Variants in HIF3A observed in about 807,000 individuals in gnomAD.
HIF3A encodes hypoxia-inducible factor 3-alpha.
In HIF3A, 41 loss-of-function variants were observed where a neutral mutation model predicts 67.2. The ratio of observed to expected loss-of-function variants is 0.61; its 90% CI spans 0.48 to 0.79. HIF3A has a LOEUF of 0.79. Ranked by LOEUF, HIF3A falls within the 30% of genes least tolerant of loss-of-function variation. The pLI, the probability that HIF3A is intolerant of heterozygous loss-of-function variation, is 0.00. For missense variants in HIF3A, 855 were observed against 898.0 expected, an observed-to-expected ratio of 0.95 and a Z score of 0.61; for synonymous variants, 356 against 374.8, an observed-to-expected ratio of 0.95 and a Z score of 0.58.
At position 46,308,788 on chromosome 19, in the gene HIF3A, G is replaced by C; in HGVS notation, c.561+13G>C. The C allele has an allele frequency of 6.4e-7, 1 of 1,552,646 alleles. No individual in the cohort carries two copies. ...GGCCACCTGGAAGGTGCGTGGGGCC[G>C]GGCCAGAGGAGGGCGGGGACGCTGG... On this transcript the variant is annotated intron_variant, in intron 5 of 14. Coordinates refer to ENST00000377670, the MANE Select transcript of HIF3A (RefSeq NM_152795.4).
intron 9 of HIF3A, among the ~76,000 whole-genome samples, chr19:46,321,344 G>A (rs1970345180): frequency 6.6e-6 from 1 of 152,174 alleles, no homozygotes; most frequent in South Asian, 2.1e-4. Flanking sequence ...AGCACTTTGG[G>A]AGGCCGAGGT....
intron 4 of HIF3A, 37 bp from the exon 5 acceptor site, chr19:46,308,626 T>A (rs976389513): frequency 7.7e-7 from 1 of 1,305,316 alleles, no homozygotes; most frequent in Non-Finnish European, 1.1e-6. Context: ...TGTGTGTAGC[T>A]GCCTGTGACC....
At chr19:46,335,783 A>G (rs1971566592) in intron 14 of HIF3A, among the ~76,000 whole-genome samples, 1 of 151,958 alleles carries the variant, frequency 6.6e-6, no homozygotes, top group Non-Finnish European at 1.5e-5. Context: ...CCTGCCTGTA[A>G]TCACAGTGTT....
chr19:46,326,062 T>G lies in HIF3A; in HGVS notation c.1440+423T>G, dbSNP rs776776532. On this transcript the variant is annotated intron_variant, in intron 11 of 14. Coordinates refer to ENST00000377670, the MANE Select transcript of HIF3A (RefSeq NM_152795.4). ...ATCAGAAATTCAGGAGCACCTTATCTGCTGGTTTTTGCTGAGTCTCTCATG... is the reference window on the plus strand; with the variant it reads ...ATCAGAAATTCAGGAGCACCTTATCGGCTGGTTTTTGCTGAGTCTCTCATG... Among the ~76,000 whole-genome samples the G allele has an allele frequency of 3.3e-5, 5 of 152,352 alleles. No individual in the cohort carries two copies. In the South Asian group the frequency reaches 1.0e-3, roughly 32 times the overall value.
chr19:46,316,363 G>T (rs1969913057), intron 8 of HIF3A, among the ~76,000 whole-genome samples: 2 of 152,174 alleles, frequency 1.3e-5, no homozygotes, highest in Admixed American at 1.3e-4. Flanking sequence ...TGGGTGTTTG[G>T]GTTTGGTGTT....
intron 1 of HIF3A, 155 bp from the exon 2 acceptor site, chr19:46,303,743 G>A (rs1968541337): frequency 6.6e-7 from 1 of 1,526,354 alleles, no homozygotes; most frequent in East Asian, 2.4e-5. Context: ...CCCAGGGAGC[G>A]CCGCGAACTC....
chr19:46,331,533 A>C (rs988806829), intron 13 of HIF3A: 9 of 238,876 alleles, frequency 3.8e-5, no homozygotes, highest in East Asian at 7.5e-5. Flanking sequence ...AAAAAAAAAA[A>C]AAAAAAAACT....
At chr19:46,304,254 G>A in intron 2 of HIF3A, 166 bp downstream of exon 2, 1 of 618,406 alleles carries the variant, frequency 1.6e-6, no homozygotes, top group Non-Finnish European at 2.8e-6. Context: ...GACTTCCCCG[G>A]GGAGGCCCCG....
chr19:46,333,012 A>ATATATATATGTATATATGTGTG (rs1200078103), intron 13 of HIF3A, among the ~76,000 whole-genome samples: 1 of 150,858 alleles, frequency 6.6e-6, no homozygotes, highest in Admixed American at 6.6e-5. Flanking sequence ...CTCTCTCTAT[A>ATATATATATGTATATATGTGTG]TATATATATG....
At chr19:46,322,383 C>T (rs1480045559) in intron 10 of HIF3A, among the ~76,000 whole-genome samples, 1 of 152,174 alleles carries the variant, frequency 6.6e-6, no homozygotes, top group Non-Finnish European at 1.5e-5. Flanking sequence ...GTCCCCAAGA[C>T]TGCTCTTTGC....
chr19:46,339,003 A>C (rs1323809514), intron 14 of HIF3A, among the ~76,000 whole-genome samples: 4 of 152,100 alleles, frequency 2.6e-5, no homozygotes, highest in Non-Finnish European at 4.4e-5. Context: ...TTATTCTTTA[A>C]TTGATAGTAC....
chr19:46,318,263 C>A (rs1970075314), intron 8 of HIF3A, among the ~76,000 whole-genome samples: 1 of 151,080 alleles, frequency 6.6e-6, no homozygotes, highest in African/African-American at 2.4e-5. Context: ...CAGGCTGGAA[C>A]CACATTAAAA....
intron 8 of HIF3A, among the ~76,000 whole-genome samples, chr19:46,317,272 C>G (rs2147205990): frequency 6.6e-6 from 1 of 152,170 alleles, no homozygotes; most frequent in East Asian, 1.9e-4. Flanking sequence ...CCAGGCTGGT[C>G]TCAAACTCTT....
Position 46,307,512 on chromosome 19 carries a change from C to T in HIF3A, c.364-709C>T, listed in dbSNP as rs1968962317. On this transcript the variant is annotated intron_variant, in intron 3 of 14. Transcript: ENST00000377670. ...CCTATAATCCCAGCACTTTGGAAGG[C>T]CAAAGTAGGCAGATCACTTGAGGTC... Among the ~76,000 whole-genome samples, 3 of 152,092 alleles carry T rather than the reference C, an allele frequency of 2.0e-5. No homozygotes were observed. The South Asian group carries it at 6.2e-4, about 32-fold the overall frequency.
chr19:46,339,300 G>A (rs868401040), intron 14 of HIF3A, among the ~76,000 whole-genome samples: 2 of 152,086 alleles, frequency 1.3e-5, no homozygotes, highest in Non-Finnish European at 2.9e-5. Flanking sequence ...CAAGACTTGC[G>A]TCAAAAATAA....
intron 9 of HIF3A, 50 bp downstream of exon 9, chr19:46,320,611 G>A (rs1738696914): frequency 7.0e-7 from 1 of 1,424,730 alleles, no homozygotes; most frequent in Non-Finnish European, 9.9e-7. Context: ...AGGGCCCTTG[G>A]GAGAAAGCCC....
At chr19:46,329,641 TGCCTTTGCCTAG>T (rs1971044206) in intron 12 of HIF3A, among the ~76,000 whole-genome samples, 163 bp downstream of exon 12, 1 of 152,190 alleles carries the variant, frequency 6.6e-6, no homozygotes, top group Non-Finnish European at 1.5e-5. Context: ...CCAATCTCTG[TGCCTTTGCCTAG>T]GCTGTACACC....
intron 2 of HIF3A, 87 bp from the exon 3 acceptor site, chr19:46,305,158 A>G: frequency 6.3e-7 from 1 of 1,585,686 alleles, no homozygotes. Flanking sequence ...GAATGAGGAA[A>G]GGCAGAGGGA....
intron 11 of HIF3A, among the ~76,000 whole-genome samples, chr19:46,327,154 C>CAA (rs531482343): frequency 2.7e-5 from 4 of 148,830 alleles, no homozygotes; most frequent in Admixed American, 1.3e-4. Flanking sequence ...ACTTTTGTCC[C>CAA]AAAAAAAATA....
Sources: gnomAD v4.1 joint callset for allele counts (sites outside exome capture counted in the v4.1 genomes callset) on GRCh38, gnomAD v4.1.1 for gene constraint, MANE v1.5 for transcripts, NCBI Gene and HGNC (gene_info 2026-07-23, HGNC 2026-07-21) for gene names.